CLVS1: variants seen among roughly 807,000 people sequenced by gnomAD.
The protein encoded by CLVS1 is clavesin 1, also known as clavesin-1.
A neutral mutation model predicts 33.1 loss-of-function variants in CLVS1; 10 were observed. The ratio of observed to expected loss-of-function variants is 0.30; its 90% CI spans 0.19 to 0.51. The LOEUF (loss-of-function observed/expected upper bound fraction) is 0.51. CLVS1 is among the 20% of genes least tolerant of loss of function. The probability of loss-of-function intolerance (pLI) is 0.97; values close to 1 mark genes in which losing one functional copy is unlikely to be tolerated. For synonymous variants in CLVS1, 163 were observed against 166.1 expected (o/e 0.98, Z 0.14); for missense variants, 343 against 433.4 (o/e 0.79, Z 1.85).
the CLVS1 span, among the ~76,000 whole-genome samples, chr8:61,033,121 A>AGGAAGGAAG: frequency 3.7e-4 from 16 of 43,334 alleles, 1 homozygote; most frequent in East Asian, 7.7e-4. Context: ...GAAGGAAGGA[A>AGGAAGGAAG]GAAAGGAAAG....
chr8:61,288,409 C>T (rs1196865753), intron 1 of CLVS1, among the ~76,000 whole-genome samples: 1 of 152,202 alleles, frequency 6.6e-6, no homozygotes, highest in Non-Finnish European at 1.5e-5. Flanking sequence ...CCATCACCAG[C>T]GCGGTAACTA....
At chr8:61,325,943 C>G (rs908487361) in intron 2 of CLVS1, among the ~76,000 whole-genome samples, 3 of 152,122 alleles carry the variant, frequency 2.0e-5, no homozygotes, top group Admixed American at 1.3e-4. Flanking sequence ...CCACTTTCTG[C>G]CGATCCACAA....
At chr8:60,993,805 A>G in the CLVS1 span, among the ~76,000 whole-genome samples, 1 of 152,228 alleles carries the variant, frequency 6.6e-6, no homozygotes, top group African/African-American at 2.4e-5. Context: ...TCCCTGGGGC[A>G]GGCAAGTTTT....
chr8:61,466,028 C>T (rs944827413), intron 5 of CLVS1, among the ~76,000 whole-genome samples: 1 of 152,156 alleles, frequency 6.6e-6, no homozygotes, highest in African/African-American at 2.4e-5. Flanking sequence ...CAGCTGTTTT[C>T]TGTTCTTAGG....
At chr8:61,188,912 C>A (rs1207324792) in intron 2 of CLVS1, among the ~76,000 whole-genome samples, 1 of 151,900 alleles carries the variant, frequency 6.6e-6, no homozygotes, top group Non-Finnish European at 1.5e-5. Flanking sequence ...CTACTCAAAG[C>A]AGATGAAAGA....
At chr8:60,969,868 A>C in the CLVS1 span, among the ~76,000 whole-genome samples, 1 of 152,188 alleles carries the variant, frequency 6.6e-6, no homozygotes, top group Admixed American at 6.5e-5. Flanking sequence ...TGCATTAGAT[A>C]TTATAAGTAA....
intron 1 of CLVS1, among the ~76,000 whole-genome samples, chr8:61,299,296 A>T (rs1462323429): frequency 6.6e-6 from 1 of 152,300 alleles, no homozygotes; most frequent in South Asian, 2.1e-4. Context: ...TTTCTCTGCC[A>T]TATCCAGGCC....
chr8:61,002,332 T>TG, the CLVS1 span, among the ~76,000 whole-genome samples: 3 of 148,232 alleles, frequency 2.0e-5, no homozygotes, highest in Non-Finnish European at 3.0e-5. Flanking sequence ...TGCTTGTTTT[T>TG]TTTTTTTTTT....
intron 3 of CLVS1, among the ~76,000 whole-genome samples, chr8:61,403,597 A>T (rs1814856702): frequency 6.6e-6 from 1 of 152,184 alleles, no homozygotes; most frequent in Non-Finnish European, 1.5e-5. Context: ...TGTGATATTT[A>T]AAAATGAGAG....
At chr8:61,243,363 G>T (rs1808736953) in intron 2 of CLVS1, among the ~76,000 whole-genome samples, 1 of 152,162 alleles carries the variant, frequency 6.6e-6, no homozygotes, top group South Asian at 2.1e-4. Flanking sequence ...GCAGAGGCTT[G>T]GGCAGAATTT....
intron 2 of CLVS1, among the ~76,000 whole-genome samples, chr8:61,345,777 G>C (rs1386742995): frequency 6.6e-6 from 1 of 151,892 alleles, no homozygotes; most frequent in Non-Finnish European, 1.5e-5. Flanking sequence ...GAGGAAAGGT[G>C]ACTGAACAGC....
At chr8:61,383,915 G>T (rs1224788784) in intron 3 of CLVS1, among the ~76,000 whole-genome samples, 5 of 152,178 alleles carry the variant, frequency 3.3e-5, no homozygotes, top group African/African-American at 7.2e-5. Context: ...TCTCAGGAAG[G>T]TCATAGTTCA....
the CLVS1 span, among the ~76,000 whole-genome samples, chr8:61,043,012 G>C: frequency 1.3e-5 from 2 of 152,170 alleles, no homozygotes; most frequent in Non-Finnish European, 2.9e-5. Flanking sequence ...AAAGCTGTTG[G>C]TTATAGGTCT....
chr8:61,199,645 C>T (rs1355755277), intron 2 of CLVS1, among the ~76,000 whole-genome samples: 2 of 152,178 alleles, frequency 1.3e-5, no homozygotes, highest in African/African-American at 2.4e-5. Context: ...GAATGTTTAT[C>T]ACTGCTGGTG....
intron 2 of CLVS1, among the ~76,000 whole-genome samples, chr8:61,337,386 G>A (rs556199253): frequency 3.9e-5 from 6 of 152,112 alleles, no homozygotes; most frequent in Middle Eastern, 3.4e-3. Context: ...ATAATTGCCC[G>A]ATGAACTTGG....
chr8:61,464,840 A>G (rs1457563865), intron 5 of CLVS1: 3 of 152,304 alleles, frequency 2.0e-5, no homozygotes, highest in Admixed American at 2.0e-4. Context: ...ACTGGAGAGG[A>G]GGGATCAGCC....
chr8:61,088,209 C>T (rs1428357817), intron 1 of CLVS1, among the ~76,000 whole-genome samples: 2 of 152,192 alleles, frequency 1.3e-5, no homozygotes, highest in Non-Finnish European at 2.9e-5. Flanking sequence ...ATGTAATTGG[C>T]CGGGCACGAT....
At chr8:61,492,520 T>C (rs1236813756) in intron 5 of CLVS1, among the ~76,000 whole-genome samples, 6 of 152,144 alleles carry the variant, frequency 3.9e-5, no homozygotes, top group Admixed American at 3.9e-4. Context: ...GCACATGTTT[T>C]TTTGGGGGGG....
intron 1 of CLVS1, among the ~76,000 whole-genome samples, chr8:61,123,252 A>G (rs1298170210): frequency 6.8e-6 from 1 of 147,096 alleles, no homozygotes; most frequent in Non-Finnish European, 1.5e-5. Flanking sequence ...CTGGGAAACA[A>G]GAGTGAAACT....
Sources: allele counts gnomAD v4.1 joint callset (sites outside exome capture counted in the v4.1 genomes callset), GRCh38; gene constraint gnomAD v4.1.1; transcripts MANE v1.5; gene names NCBI Gene and HGNC (gene_info 2026-07-23, HGNC 2026-07-21).